The following TRPM3 variants were observed in gnomAD, a reference collection of about 807,000 sequenced individuals.
The protein encoded by TRPM3 is transient receptor potential cation channel subfamily M member 3, also known as long transient receptor potential channel 3.
Under a neutral mutation model 181.2 loss-of-function variants are expected in TRPM3, and 77 were observed. The ratio of observed to expected loss-of-function variants is 0.42; its 90% confidence interval spans 0.35 to 0.51. The LOEUF (loss-of-function observed/expected upper bound fraction) is 0.51. TRPM3 is among the 20% of genes least tolerant of loss of function. The probability of loss-of-function intolerance (pLI) is 0.01; values close to 1 mark genes in which losing one functional copy is unlikely to be tolerated. For synonymous variants in TRPM3, 745 were observed against 796.4 expected (o/e 0.94, Z 1.09); for missense variants, 1,759 against 2,196.7 (o/e 0.80, Z 3.98).
At chr9:70,745,487 G>C (rs1471981107) in intron 8 of TRPM3, among the ~76,000 whole-genome samples, 1 of 152,068 alleles carries the variant, frequency 6.6e-6, no homozygotes. Flanking sequence ...GTTTGGACTT[G>C]AATTATGTTA....
chr9:70,964,001 C>T (rs890687825), intron 1 of TRPM3, among the ~76,000 whole-genome samples: 1 of 151,998 alleles, frequency 6.6e-6, no homozygotes, highest in African/African-American at 2.4e-5. Context: ...AGGTTTCTAA[C>T]CTCAGTTTTA....
At chr9:71,167,802 T>TA (rs1347710800) in intron 1 of TRPM3, among the ~76,000 whole-genome samples, 7 of 151,944 alleles carry the variant, frequency 4.6e-5, no homozygotes, top group Non-Finnish European at 1.0e-4. Flanking sequence ...CAGCACAATT[T>TA]AAAAAAAATC....
At chr9:71,138,429 A>G (rs2074900519) in intron 1 of TRPM3, among the ~76,000 whole-genome samples, 1 of 152,178 alleles carries the variant, frequency 6.6e-6, no homozygotes, top group Non-Finnish European at 1.5e-5. Context: ...ATATAAAATT[A>G]CTTTTAATTT....
At chr9:71,017,636 C>T (rs1392073470) in intron 1 of TRPM3, among the ~76,000 whole-genome samples, 5 of 151,548 alleles carry the variant, frequency 3.3e-5, no homozygotes. Context: ...CAACAAAAGG[C>T]CAATTCACAT....
chr9:70,878,321 C>T (rs769975258), intron 1 of TRPM3, among the ~76,000 whole-genome samples: 1 of 151,990 alleles, frequency 6.6e-6, no homozygotes, highest in Non-Finnish European at 1.5e-5. Flanking sequence ...TCATTAAAGT[C>T]GATGCTACCT....
chr9:71,320,208 T>C (rs1318560691), intron 1 of TRPM3, among the ~76,000 whole-genome samples: 1 of 152,058 alleles, frequency 6.6e-6, no homozygotes, highest in Admixed American at 6.6e-5. Flanking sequence ...ATATATTGTG[T>C]TCCCTAAAGT....
chr9:70,547,240 C>T (rs1262136621), intron 25 of TRPM3, among the ~76,000 whole-genome samples: 1 of 152,078 alleles, frequency 6.6e-6, no homozygotes, highest in Middle Eastern at 3.2e-3. Flanking sequence ...ATATACACAG[C>T]TAATTTAGGT....
chr9:71,203,476 G>A (rs1023449718), intron 1 of TRPM3, among the ~76,000 whole-genome samples: 2 of 152,110 alleles, frequency 1.3e-5, no homozygotes, highest in Non-Finnish European at 1.5e-5. Context: ...TTGCTCACTT[G>A]TTTGTTTAGC....
In TRPM3 at chr9:70,664,641, GTTTTTTTTTTT is replaced by G. The variant is rs71367210; in HGVS notation, c.1345+16854_1345+16864del. On this transcript the variant is annotated intron_variant, in intron 9 of 25. Coordinates refer to ENST00000677713, the MANE Select transcript of TRPM3 (RefSeq NM_001366145.2). Reference sequence around the variant, plus strand: ...ACAACCACACCCGATTAGGAGAGTAGTTTTTTTTTTTTTTTTTTTTTTTTTTTGAGACTGAG... The same window carrying G: ...ACAACCACACCCGATTAGGAGAGTAGTTTTTTTTTTTTTTTTGAGACTGAG... 2.9e-4 allele frequency among the ~76,000 whole-genome samples: 29 copies of G among 100,280 alleles called. 1 individual carries two copies. Among genetic ancestry groups the G allele is most frequent in the Admixed American group, 1.1e-3 (9 of 8,358 alleles). 65.8% of individuals were successfully genotyped at this position (100,280 alleles called of 152,430 possible). A position where few individuals can be genotyped will look rare whatever the true frequency, so the allele number is the denominator to read the frequency against.
rs555285054 is a variant in TRPM3 at position 70,649,395 on chromosome 9, G to A, written c.1346-8735C>T. ...GTAGAGACAGTGTTTTGCCATGTTG[G>A]CCGAGTTGGTCTCGAACTCCTGACC... On this transcript the variant is annotated intron_variant, in intron 9 of 25. Transcript: ENST00000677713. Among the ~76,000 whole-genome samples, 59 of 152,152 alleles carry A rather than the reference G, an allele frequency of 3.9e-4. 1 individual carries two copies. Among genetic ancestry groups the A allele is most frequent in the African/African-American group, 1.3e-3 (54 of 41,506 alleles).
At chr9:70,591,281 G>T in intron 21 of TRPM3, 76 bp from the exon 22 acceptor site, 7 of 1,309,774 alleles carry the variant, frequency 5.3e-6, no homozygotes, top group Non-Finnish European at 6.6e-6. Flanking sequence ...TGCTGACAAT[G>T]ATGGGAACCT....
At position 70,761,713 on chromosome 9, in the gene TRPM3, T is replaced by A. The variant is rs775251284; in HGVS notation, c.1160A>T (p.Glu387Val). Residue 387 changes from glutamate to valine, a missense_variant, in exon 8 of 26, where the codon GAA (glutamate) becomes GTA (valine). By Grantham distance (121) the Glu-to-Val change is moderately radical. This residue lies in a region of TRPM3 where 737 missense variants were observed against 957.4 expected (regional missense o/e 0.77). Coordinates refer to ENST00000677713, the MANE Select transcript of TRPM3 (RefSeq NM_001366145.2). ...CACCAACAGCTGGTCCCTCAAAGAT[T>A]CATTTATCAGTCTGCAAGTAAAAAC... ...KYSEEGGLIN[E>V]SLRDQLLVTI... The A allele has an allele frequency of 6.2e-7, 1 of 1,610,916 alleles. No homozygotes were observed. Among genetic ancestry groups the A allele is most frequent in the Non-Finnish European group, 8.5e-7 (1 of 1,177,536 alleles).
chr9:71,001,116 G>C (rs1228844906), intron 1 of TRPM3, among the ~76,000 whole-genome samples: 1 of 152,174 alleles, frequency 6.6e-6, no homozygotes, highest in Non-Finnish European at 1.5e-5. Context: ...TCATGGGTGG[G>C]TGATTAAGCT....
At chr9:71,191,351 C>T (rs1026454624) in intron 1 of TRPM3, among the ~76,000 whole-genome samples, 10 of 151,776 alleles carry the variant, frequency 6.6e-5, no homozygotes, top group South Asian at 2.1e-4. Context: ...ACGCTGCCCA[C>T]CCTTCTTTCA....
intron 1 of TRPM3, among the ~76,000 whole-genome samples, chr9:70,999,060 A>G (rs866442540): frequency 6.6e-6 from 1 of 152,056 alleles, no homozygotes; most frequent in Admixed American, 6.5e-5. Flanking sequence ...GGTTCCTTTC[A>G]ATTTTACCTC....
chr9:71,224,391 C>A (rs908997764), intron 1 of TRPM3, among the ~76,000 whole-genome samples: 1 of 152,224 alleles, frequency 6.6e-6, no homozygotes, highest in Admixed American at 6.5e-5. Context: ...GATCGCAACA[C>A]CCAAGTCTCT....
At chr9:71,024,533 C>T (rs649375) in intron 1 of TRPM3, among the ~76,000 whole-genome samples, 137,843 of 152,242 alleles carry the variant, frequency 0.91, 62,490 homozygotes, top group East Asian at 1. Context: ...ATAATTCTTA[C>T]GAGTGTGAGC....
chr9:70,957,601 A>G (rs1357941617), intron 1 of TRPM3, among the ~76,000 whole-genome samples: 1 of 152,184 alleles, frequency 6.6e-6, no homozygotes. Context: ...ATTTAGCAGC[A>G]TGCTTGGCTG....
At chr9:70,821,671 A>G (rs2093181342) in intron 6 of TRPM3, among the ~76,000 whole-genome samples, 2 of 152,348 alleles carry the variant, frequency 1.3e-5, no homozygotes, top group Admixed American at 1.3e-4. Context: ...CTCTCTGTAC[A>G]TCAGTCTACT....
Sources: gnomAD v4.1 joint callset for allele counts (sites outside exome capture counted in the v4.1 genomes callset) on GRCh38, gnomAD v4.1.1 for gene constraint, gnomAD v4.1.1 regional missense constraint, MANE v1.5 for transcripts, NCBI Gene and HGNC (gene_info 2026-07-23, HGNC 2026-07-21) for gene names.